The following FBXL13 variants were observed in gnomAD, a reference collection of about 807,000 sequenced individuals.
FBXL13 encodes the protein F-box and leucine rich repeat protein 13.
In FBXL13, 67 loss-of-function variants were observed where a neutral mutation model predicts 83.6. That is an observed-to-expected ratio of 0.80 (90% CI 0.66 to 0.98). The LOEUF (loss-of-function observed/expected upper bound fraction) is 0.98. Ranked by LOEUF, FBXL13 falls within the 50% of genes least tolerant of loss-of-function variation. FBXL13 has a pLI of 0.00. For missense variants in FBXL13, 822 were observed against 866.5 expected, an observed-to-expected ratio of 0.95 and a Z score of 0.64; for synonymous variants, 272 against 299.5, an observed-to-expected ratio of 0.91 and a Z score of 0.95.
intron 9 of FBXL13, among the ~76,000 whole-genome samples, chr7:102,927,156 C>G (rs1261303918): frequency 6.6e-6 from 1 of 152,214 alleles, no homozygotes; most frequent in Non-Finnish European, 1.5e-5. Flanking sequence ...CAAGCTTTGA[C>G]TGCAACAAGC....
chr7:102,883,448 A>G, exon 14 of FBXL13: 6 of 1,610,594 alleles, frequency 3.7e-6, no homozygotes, highest in Non-Finnish European at 5.1e-6. Context: ...TGAAGGATGC[A>G]TCAGTAACCC....
chr7:102,815,779 T>C (rs543589088), intron 19 of FBXL13, among the ~76,000 whole-genome samples: 7 of 152,138 alleles, frequency 4.6e-5, no homozygotes, highest in Admixed American at 1.3e-4. Context: ...GTACTACTAA[T>C]GATAAGTCTG....
At chr7:103,041,137 A>G (rs1049406307) in intron 2 of FBXL13, among the ~76,000 whole-genome samples, 2 of 152,138 alleles carry the variant, frequency 1.3e-5, no homozygotes, top group African/African-American at 4.8e-5. Flanking sequence ...AAAATGATAA[A>G]GGGGTTATAA....
intron 8 of FBXL13, among the ~76,000 whole-genome samples, chr7:102,948,959 G>A (rs1822981008): frequency 6.6e-6 from 1 of 152,192 alleles, no homozygotes. Flanking sequence ...TGATCCGCGT[G>A]CCTTGGCCTC....
intron 6 of FBXL13, among the ~76,000 whole-genome samples, chr7:102,976,405 C>T (rs1827465303): frequency 6.6e-6 from 1 of 152,160 alleles, no homozygotes; most frequent in African/African-American, 2.4e-5. Context: ...CCTTCACTCA[C>T]TCTTTCTTAG....
intron 17 of FBXL13, among the ~76,000 whole-genome samples, chr7:102,838,235 G>C (rs1196123033): frequency 6.6e-6 from 1 of 152,136 alleles, no homozygotes; most frequent in Non-Finnish European, 1.5e-5. Context: ...TCTCATCAGT[G>C]GTGTGGGAAT....
In FBXL13 at chr7:102,877,596, A is replaced by AAAAG. The variant is rs1169628893; in HGVS notation, c.1509-7_1509-4dup. 1 of 1,604,320 alleles carries AAAAG rather than the reference A, an allele frequency of 6.2e-7. No homozygotes were observed. The highest frequency in any genetic ancestry group is 8.5e-7 in the Non-Finnish European group (1 of 1,177,468). On this transcript the variant is annotated splice_polypyrimidine_tract_variant and splice_region_variant and intron_variant, in intron 15 of 19. Transcript: ENST00000313221. ...TCAAGTAGTTTAAATTAGGGCAGCTAAAAGAAAGTAGCATGGATTAATTTT... is the reference window on the plus strand; with the variant it reads ...TCAAGTAGTTTAAATTAGGGCAGCTAAAAGAAAGAAAGTAGCATGGATTAATTTT...
chr7:102,889,518 C>T (rs999547205), intron 11 of FBXL13, among the ~76,000 whole-genome samples: 11 of 152,230 alleles, frequency 7.2e-5, no homozygotes, highest in African/African-American at 2.4e-4. Flanking sequence ...CCCAACAACT[C>T]GTCATTTACA....
chr7:103,025,284 G>T, intron 5 of FBXL13, 54 bp from the exon 7 acceptor site: 1 of 1,195,378 alleles, frequency 8.4e-7, no homozygotes, highest in Non-Finnish European at 1.2e-6. Flanking sequence ...GGTCAAGAGA[G>T]ATGACAGACA....
Position 103,025,182 on chromosome 7 carries a change from G to GT in FBXL13, c.375dup (p.Leu126ThrfsTer13). The GT allele has an allele frequency of 1.3e-6, 2 of 1,597,416 alleles. No individual in the cohort carries two copies. The highest frequency in any genetic ancestry group is 1.7e-6 in the Non-Finnish European group (2 of 1,169,244). On this transcript the variant is annotated frameshift_variant, in exon 6 of 20. Coordinates refer to ENST00000313221, the Ensembl canonical transcript of FBXL13. LOFTEE classifies it high-confidence loss of function. The stretch of plus-strand genomic sequence containing the variant: ...GATTCTTCTGCAGCAGCTCTTTTGA[G>GT]TATTAACCTATTTTTCCATTTTTTC...
chr7:103,071,586 C>G (rs1026249258), intron 1 of FBXL13, among the ~76,000 whole-genome samples: 1 of 142,890 alleles, frequency 7.0e-6, no homozygotes, highest in African/African-American at 2.6e-5. Flanking sequence ...TTTGTACACA[C>G]AGGGTCTCAC....
At chr7:103,066,050 T>C (rs1798362749) in intron 1 of FBXL13, among the ~76,000 whole-genome samples, 1 of 152,212 alleles carries the variant, frequency 6.6e-6, no homozygotes, top group East Asian at 1.9e-4. Flanking sequence ...CTTAACAACA[T>C]GCTAGCCCAA....
At chr7:103,025,985 A>G (rs1040356552) in intron 5 of FBXL13, among the ~76,000 whole-genome samples, 1 of 150,624 alleles carries the variant, frequency 6.6e-6, no homozygotes. Context: ...AATTAACTAT[A>G]TAATATATAT....
chr7:102,852,631 C>T lies in FBXL13; in HGVS notation c.1719+2146G>A, dbSNP rs186452997. Among the ~76,000 whole-genome samples, 8 of 152,232 alleles carry T rather than the reference C, an allele frequency of 5.3e-5. No individual in the cohort carries two copies. In the East Asian group the frequency reaches 1.2e-3, roughly 22 times the overall value. ...ATCAGGGAAATGTAAACCAAAACCA[C>T]AATGCAAAACCATCTTACTCCTGCA... On this transcript the variant is annotated intron_variant, in intron 17 of 19. Transcript: ENST00000313221.
At chr7:102,904,809 T>C (rs1329518260) in intron 11 of FBXL13, among the ~76,000 whole-genome samples, 3 of 152,152 alleles carry the variant, frequency 2.0e-5, no homozygotes, top group African/African-American at 7.2e-5. Flanking sequence ...GTATGTTGTG[T>C]TTCCATTATC....
chr7:102,849,665 T>C (rs1266079824), intron 17 of FBXL13, among the ~76,000 whole-genome samples: 1 of 152,196 alleles, frequency 6.6e-6, no homozygotes, highest in East Asian at 1.9e-4. Context: ...AATTGTGAAA[T>C]TAGTTTGTAA....
At chr7:102,897,964 A>G (rs1334255169) in intron 11 of FBXL13, among the ~76,000 whole-genome samples, 3 of 152,328 alleles carry the variant, frequency 2.0e-5, no homozygotes, top group Non-Finnish European at 2.9e-5. Context: ...TATACTTATA[A>G]CATTGCTATA....
intron 6 of FBXL13, chr7:102,988,561 T>A (rs1829241777): frequency 6.6e-6 from 1 of 152,308 alleles, no homozygotes; most frequent in South Asian, 2.1e-4. Flanking sequence ...TAGAACGGTA[T>A]ACACTCTTTT....
chr7:102,953,717 A>G (rs1823787932), intron 8 of FBXL13, among the ~76,000 whole-genome samples: 1 of 152,220 alleles, frequency 6.6e-6, no homozygotes, highest in Admixed American at 6.5e-5. Flanking sequence ...AAAAGCTTCC[A>G]GATAAGCATG....
Sources: allele counts gnomAD v4.1 joint callset (sites outside exome capture counted in the v4.1 genomes callset), GRCh38; gene constraint gnomAD v4.1.1; transcripts MANE v1.5; gene names NCBI Gene and HGNC (gene_info 2026-07-23, HGNC 2026-07-21).